Variants in BTAF1 observed in about 807,000 individuals in gnomAD.
BTAF1 encodes the protein TATA-binding protein-associated factor 172.
Under a neutral mutation model 227.1 loss-of-function variants are expected in BTAF1, and 38 were observed. The observed-to-expected ratio is 0.17, with a 90% CI of 0.13 to 0.22. BTAF1 has a LOEUF of 0.22. Among genes scored for constraint, BTAF1 ranks in the 10% least tolerant of loss-of-function variants. BTAF1 has a pLI of 1.00. For missense variants in BTAF1, 1,598 were observed against 2,204.0 expected, an observed-to-expected ratio of 0.73 and a Z score of 5.51; for synonymous variants, 742 against 751.9, an observed-to-expected ratio of 0.99 and a Z score of 0.21.
rs1554870028 is a variant in BTAF1 at position 92,024,732 on chromosome 10, G to GTTTTTTTTTTT, written c.4864-20_4864-10dup. ...TCTGCTTTTATTGAACGCTTATGTA[G>GTTTTTTTTTTT]TTTTTTTTTTTTTTCTTCCTAAGTT... is the stretch of plus-strand genomic sequence containing the variant. On this transcript the variant is annotated intron_variant, in intron 34 of 37. Coordinates refer to ENST00000265990, the MANE Select transcript of BTAF1 (RefSeq NM_003972.3). 1.6e-4 allele frequency: 205 copies of GTTTTTTTTTTT among 1,267,708 alleles called. 2 individuals carry two copies. The highest frequency in any genetic ancestry group is 2.1e-4 in the South Asian group (16 of 75,174). 78.5% of individuals were successfully genotyped at this position (1,267,708 alleles called of 1,614,324 possible).
At chr10:92,009,674 A>G (rs938527402) in intron 28 of BTAF1, among the ~76,000 whole-genome samples, 9 of 152,218 alleles carry the variant, frequency 5.9e-5, no homozygotes. Flanking sequence ...CCTCTCTTAA[A>G]TAAAAAAGAG....
intron 2 of BTAF1, 80 bp from the exon 3 acceptor site, chr10:91,939,868 CAAGT>C (rs1053713491): frequency 6.4e-6 from 5 of 780,204 alleles, no homozygotes; most frequent in Middle Eastern, 2.8e-4. Flanking sequence ...ACATTAATAA[CAAGT>C]AAATTTGTAT....
chr10:91,977,435 A>G (rs1847774547), intron 14 of BTAF1, among the ~76,000 whole-genome samples: 1 of 151,878 alleles, frequency 6.6e-6, no homozygotes, highest in African/African-American at 2.4e-5. Flanking sequence ...TTTTCTTTTT[A>G]GTGAATAATA....
intron 12 of BTAF1, among the ~76,000 whole-genome samples, chr10:91,963,373 C>T (rs1011795609): frequency 1.3e-5 from 2 of 150,892 alleles, no homozygotes; most frequent in African/African-American, 4.9e-5. Context: ...GAGCCAAGAT[C>T]GCGCCACTGC....
At chr10:91,969,058 T>G (rs1847117889) in intron 14 of BTAF1, among the ~76,000 whole-genome samples, 1 of 150,744 alleles carries the variant, frequency 6.6e-6, no homozygotes, top group African/African-American at 2.4e-5. Flanking sequence ...TTTTTTTTTT[T>G]GTTAGAGATG....
rs74149334 is a variant in BTAF1, at chr10:91,960,441, C to T, written c.1263+287C>T. ...CAGTGCTCTTCATGATTTGGTTTTA[C>T]TGTTTTAACTCATTTAAATATTGAA... On this transcript the variant is annotated intron_variant, in intron 11 of 37. Coordinates refer to ENST00000265990, the MANE Select transcript of BTAF1 (RefSeq NM_003972.3). 0.074 allele frequency among the ~76,000 whole-genome samples: 11,294 copies of T among 152,240 alleles called. 1,390 individuals carry two copies. The highest frequency in any genetic ancestry group is 0.26 in the African/African-American group (10,708 of 41,514).
rs746902471 is a variant in BTAF1, at chr10:92,013,762, A to G, written c.4407A>G (p.Ile1469Met). Reference sequence around the variant, plus strand: ...TTGCTGCTCGATATGGTAAACCTATATTAGCAAGTAGGGATGCTCGAAGCT... The same window carrying G: ...TTGCTGCTCGATATGGTAAACCTATGTTAGCAAGTAGGGATGCTCGAAGCT... Reference protein sequence around the residue: ...RQFAARYGKPILASRDARSSS... With the variant: ...RQFAARYGKPMLASRDARSSS... The change falls in exon 31 of 38, where the codon ATA becomes ATG. Residue 1469 changes from isoleucine (I) to methionine (M), a missense_variant. Ile to Met is a conservative substitution (Grantham distance 10). Around this residue, in one of 10 missense-constraint regions of BTAF1, gnomAD observed 184 missense variants for 341.1 expected, o/e 0.54. Transcript: ENST00000265990. 1 of 1,614,066 alleles carries G rather than the reference A, an allele frequency of 6.2e-7. No homozygotes were observed. Among genetic ancestry groups the G allele is most frequent in the Non-Finnish European group, 8.5e-7 (1 of 1,180,024 alleles).
At position 91,938,206 on chromosome 10, in the gene BTAF1, A is replaced by T. The variant is rs1397983232; in HGVS notation, c.139-1746A>T. Among the ~76,000 whole-genome samples the T allele has an allele frequency of 2.0e-5, 3 of 152,214 alleles. No homozygotes were observed. In the South Asian group the frequency reaches 6.2e-4, roughly 32 times the overall value. On this transcript the variant is annotated intron_variant, in intron 2 of 37. Coordinates refer to ENST00000265990, the MANE Select transcript of BTAF1 (RefSeq NM_003972.3). ...TGGTATAGTTCTTCATATACAAGGT[A>T]TCCAAACTATACAAAGGTATATGAT...
intron 3 of BTAF1, among the ~76,000 whole-genome samples, chr10:91,942,035 G>A (rs1845037147): frequency 6.6e-6 from 1 of 152,168 alleles, no homozygotes; most frequent in African/African-American, 2.4e-5. Context: ...AGCACTTTGG[G>A]AAGTTGAGGC....
At chr10:91,935,943 G>A (rs1472604206) in intron 2 of BTAF1, among the ~76,000 whole-genome samples, 163 bp downstream of exon 2, 2 of 143,578 alleles carry the variant, frequency 1.4e-5, no homozygotes, top group African/African-American at 5.2e-5. Flanking sequence ...TTTTAATCAA[G>A]TTTAGTAGCT....
intron 33 of BTAF1, among the ~76,000 whole-genome samples, chr10:92,017,498 A>G (rs1850818211): frequency 6.6e-6 from 1 of 152,002 alleles, no homozygotes; most frequent in African/African-American, 2.4e-5. Context: ...AGTTGTGAAG[A>G]TCTAGTTTTT....
chr10:91,959,228 A>G (rs1846315149), intron 9 of BTAF1, 74 bp downstream of exon 9: 1 of 1,605,808 alleles, frequency 6.2e-7, no homozygotes, highest in South Asian at 1.1e-5. Flanking sequence ...GGAAGTAACG[A>G]GTATGTGCCG....
At chr10:91,952,219 C>T (rs1224808369) in intron 5 of BTAF1, among the ~76,000 whole-genome samples, 1 of 151,984 alleles carries the variant, frequency 6.6e-6, no homozygotes, top group African/African-American at 2.4e-5. Flanking sequence ...TACCTTTTCT[C>T]ACTTCATACA....
chr10:91,961,466 C>T (rs1417255), intron 11 of BTAF1, among the ~76,000 whole-genome samples: 144,605 of 151,010 alleles, frequency 0.96, 69,573 homozygotes, highest in East Asian at 1. Flanking sequence ...TTTTTTTTCC[C>T]TTCTTTAACT....
intron 14 of BTAF1, among the ~76,000 whole-genome samples, chr10:91,977,976 G>A (rs575517140): frequency 6.6e-6 from 1 of 152,126 alleles, no homozygotes; most frequent in South Asian, 2.1e-4. Flanking sequence ...TACCAGACTA[G>A]TACTAATTTG....
At position 91,942,453 on chromosome 10, in the gene BTAF1, A is replaced by G. The variant is rs148405175; in HGVS notation, c.285A>G (p.Ser95=). 1.3e-5 allele frequency: 21 copies of G among 1,613,856 alleles called. No individual in the cohort carries two copies. The African/African-American group carries it at 2.1e-4, about 16-fold the overall frequency. The stretch of plus-strand genomic sequence containing the variant: ...CTTCCGAAAGTTCTATGGAAGATTC[A>G]CCTACTACAGAGCGATTGAATTTTG... ...EPTSESSMED[S]PTTERLNFDR... is the part of the protein sequence containing the mutation. The change falls in exon 4 of 38, where the codon TCA becomes TCG. Residue 95 remains serine, a synonymous_variant. Transcript: ENST00000265990.
intron 34 of BTAF1, among the ~76,000 whole-genome samples, chr10:92,021,461 A>G (rs1436770557): frequency 6.6e-6 from 1 of 152,200 alleles, no homozygotes; most frequent in Non-Finnish European, 1.5e-5. Flanking sequence ...GCTGGGATTA[A>G]TAACTATATA....
intron 22 of BTAF1, 95 bp downstream of exon 22, chr10:91,993,942 A>T (rs1848975523): frequency 1.1e-6 from 1 of 950,812 alleles, no homozygotes; most frequent in Non-Finnish European, 1.4e-6. Flanking sequence ...CTATGCCTCT[A>T]CCTGTTTATT....
intron 25 of BTAF1, among the ~76,000 whole-genome samples, chr10:92,000,091 T>G (rs1849415464): frequency 6.6e-6 from 1 of 152,112 alleles, no homozygotes. Flanking sequence ...ATATGTATAT[T>G]TTACCTCACA....
Sources: gnomAD v4.1 joint callset for allele counts (sites outside exome capture counted in the v4.1 genomes callset) on GRCh38, gnomAD v4.1.1 for gene constraint, gnomAD v4.1.1 regional missense constraint, MANE v1.5 for transcripts, NCBI Gene and HGNC (gene_info 2026-07-23, HGNC 2026-07-21) for gene names.